The following TTYH3 variants were observed in gnomAD, a reference collection of about 807,000 sequenced individuals.
The protein encoded by TTYH3 is protein tweety homolog 3.
In TTYH3, 23 loss-of-function variants were observed where a neutral mutation model predicts 68.2. The ratio of observed to expected loss-of-function variants is 0.34; its 90% CI spans 0.24 to 0.48. The LOEUF (loss-of-function observed/expected upper bound fraction) is 0.48, where lower values mean the gene tolerates loss of function less well. TTYH3 is among the 20% of genes least tolerant of loss of function. The probability of loss-of-function intolerance (pLI) is 0.99; values close to 1 mark genes in which losing one functional copy is unlikely to be tolerated. For synonymous variants in TTYH3, 360 were observed against 332.8 expected (o/e 1.08, Z -0.89); for missense variants, 768 against 727.7 (o/e 1.06, Z -0.64).
intron 11 of TTYH3, 78 bp from the exon 12 acceptor site, chr7:2,658,208 C>T (rs758831887): frequency 7.2e-7 from 1 of 1,382,090 alleles, no homozygotes; most frequent in Non-Finnish European, 9.7e-7. Flanking sequence ...CTGTCTGCAC[C>T]AGAACTGACC....
At position 2,647,959 on chromosome 7, in the gene TTYH3, G is replaced by T; in HGVS notation, c.627G>T (p.Arg209Ser). The change falls in exon 5 of 14, where the codon AGG becomes AGT. Residue 209 changes from arginine (R) to serine (S), a missense_variant and splice_region_variant. Transcript: ENST00000258796. The stretch of plus-strand genomic sequence containing the variant: ...GGCGCACTCCCAGGTTTGCCTGCAG[G>T]TGGCTGGGCTACCTGGGCCTGCTGC... ...AEQVDLYDWY[R>S]WLGYLGLLLL... 1 of 1,607,518 alleles carries T rather than the reference G, an allele frequency of 6.2e-7. No homozygotes were observed.
chr7:2,646,698 CTCCA>C (rs1405161531), intron 1 of TTYH3, among the ~76,000 whole-genome samples, 151 bp from the exon 2 acceptor site: 4 of 152,200 alleles, frequency 2.6e-5, no homozygotes, highest in Non-Finnish European at 5.9e-5. Context: ...TGGTGGGAGA[CTCCA>C]TGCCTCACCT....
intron 1 of TTYH3, among the ~76,000 whole-genome samples, chr7:2,642,167 G>T (rs1785864256): frequency 6.6e-6 from 1 of 152,232 alleles, no homozygotes; most frequent in Admixed American, 6.5e-5. Flanking sequence ...GGCCGAGGCA[G>T]GTGGATTGCT....
chr7:2,660,452 G>C (rs1786464077), intron 13 of TTYH3: 1 of 985,328 alleles, frequency 1.0e-6, no homozygotes, highest in East Asian at 1.1e-4. Context: ...ACACGGACAG[G>C]CACGTGCCGG....
rs62439525 is a variant in TTYH3, at chr7:2,647,594, G to C, written c.582G>C (p.Ser194=). ...CCTTTTGGAGGAACACGGCGGTGTC[G>C]CTGGAGGTGCTGGCGGAGCAGGTGG... The part of the protein sequence containing the change: ...AIPFWRNTAV[S]LEVLAEQVDL... The change falls in exon 4 of 14, where the codon TCG becomes TCC. Residue 194 remains serine, a synonymous_variant. Transcript: ENST00000258796. The C allele has an allele frequency of 6.4e-7, 1 of 1,573,988 alleles. No individual in the cohort carries two copies. Among genetic ancestry groups the C allele is most frequent in the South Asian group, 1.2e-5 (1 of 85,526 alleles).
rs777723728 is a variant in TTYH3 at position 2,646,988 on chromosome 7, G to T, written c.259G>T (p.Ala87Ser). 5.7e-6 allele frequency: 9 copies of T among 1,589,042 alleles called. No homozygotes were observed. In the South Asian group the frequency reaches 1.0e-4, roughly 18 times the overall value. ...CCTGGACGCCGACTGCTGCTGCACG[G>T]CCTGGTGTGTCATCATCGCCACGCT... is the stretch of plus-strand genomic sequence containing the variant. ...EHLDADCCCT[A>S]WCVIIATLVC... The change falls in exon 2 of 14, where the codon GCC (alanine) becomes TCC (serine). Residue 87 changes from alanine to serine, a missense_variant. Ala to Ser is a moderately conservative substitution (Grantham distance 99, BLOSUM62 1). Coordinates refer to ENST00000258796, the MANE Select transcript of TTYH3 (RefSeq NM_025250.3).
At chr7:2,658,733 G>T (rs914508501) in intron 12 of TTYH3, among the ~76,000 whole-genome samples, 2 of 152,216 alleles carry the variant, frequency 1.3e-5, no homozygotes, top group Non-Finnish European at 2.9e-5. Flanking sequence ...TGGCTCGGAG[G>T]GAGTGGACTC....
intron 1 of TTYH3, among the ~76,000 whole-genome samples, chr7:2,643,461 T>C (rs961504441): frequency 6.6e-6 from 1 of 152,148 alleles, no homozygotes; most frequent in Non-Finnish European, 1.5e-5. Context: ...CACAGTTCAC[T>C]TACGATGATG....
rs1786027634 is a variant in TTYH3, at chr7:2,647,428, C to T, written c.416C>T (p.Thr139Met). Reference protein sequence around the residue: ...VAGVQDRVWDTAVGLNHTAEP... With the variant: ...VAGVQDRVWDMAVGLNHTAEP... Reference sequence around the variant, plus strand: ...GCGGGTCCGGCGCAGGTGTGGGACACGGCGGTGGGGCTGAACCACACGGCG... The same window carrying T: ...GCGGGTCCGGCGCAGGTGTGGGACATGGCGGTGGGGCTGAACCACACGGCG... Residue 139 changes from threonine to methionine, a missense_variant, in exon 4 of 14, where the codon ACG becomes ATG. Coordinates refer to ENST00000258796, the MANE Select transcript of TTYH3 (RefSeq NM_025250.3). 4 of 1,517,754 alleles carry T rather than the reference C, an allele frequency of 2.6e-6. No individual in the cohort carries two copies. Among genetic ancestry groups the T allele is most frequent in the African/African-American group, 1.4e-5 (1 of 72,312 alleles). 94.0% of individuals were successfully genotyped at this position (1,517,754 alleles called of 1,614,324 possible). A position where few individuals can be genotyped will look rare whatever the true frequency, so the allele number is the denominator to read the frequency against.
rs779216677 is a variant in TTYH3, at chr7:2,659,039, G to GA, written c.1500+25dup. ...CAGTAAGTCTTGGGGCAGGAGGGTG[G>GA]ATGGGGGGCTGCTCAGCCTTGGGGG... On this transcript the variant is annotated intron_variant, in intron 13 of 13. Transcript: ENST00000258796. 5 of 1,609,762 alleles carry GA rather than the reference G, an allele frequency of 3.1e-6. No individual in the cohort carries two copies. The South Asian group carries it at 5.5e-5, about 18-fold the overall frequency.
At chr7:2,647,306 A>G in intron 3 of TTYH3, 53 bp downstream of exon 3, 3 of 1,531,102 alleles carry the variant, frequency 2.0e-6, no homozygotes, top group African/African-American at 1.4e-5. Context: ...CCGGAGCCCC[A>G]CGTCTGCGCG....
chr7:2,656,514 G>A lies in TTYH3; in HGVS notation c.1230G>A (p.Pro410=), dbSNP rs201904632. The change falls in exon 11 of 14, where the codon CCG becomes CCA. Residue 410 remains proline (P), a synonymous_variant. Coordinates refer to ENST00000258796, the MANE Select transcript of TTYH3 (RefSeq NM_025250.3). ...TCAGCTCCATCGTCTGCAGCGTCCC[G>A]CACACCTGGCAGCAAAAGAGGTGAG... ...LMFSSIVCSV[P]HTWQQKRGPD... is the part of the protein sequence containing the mutation. 26 of 1,604,242 alleles carry A rather than the reference G, an allele frequency of 1.6e-5. No individual in the cohort carries two copies. The highest frequency in any genetic ancestry group is 3.3e-5 in the South Asian group (3 of 90,114).
At chr7:2,655,676 C>A (rs1786313585) in intron 9 of TTYH3, among the ~76,000 whole-genome samples, 1 of 152,264 alleles carries the variant, frequency 6.6e-6, no homozygotes, top group Admixed American at 6.5e-5. Context: ...GCTCACTCTG[C>A]ATGGAGAGTT....
At position 2,664,521 on chromosome 7, in the gene TTYH3, C is replaced by G. The variant is rs1422537705; in HGVS notation, c.*2782C>G. ...TTAAGACTCAGCCTCCTGGTTTACCCCCCCGGCCTGGGCATCTGACCTCCC... is the reference window on the plus strand; with the variant it reads ...TTAAGACTCAGCCTCCTGGTTTACCGCCCCGGCCTGGGCATCTGACCTCCC... On this transcript the variant is annotated 3_prime_UTR_variant, in exon 14 of 14. Coordinates refer to ENST00000258796, the MANE Select transcript of TTYH3 (RefSeq NM_025250.3). The G allele has an allele frequency of 1.3e-5, 2 of 151,410 alleles. No homozygotes were observed. Among genetic ancestry groups the G allele is most frequent in the African/African-American group, 4.9e-5 (2 of 41,036 alleles). The allele number at this position is 151,410 out of a possible 1,614,324, so 9.4% of individuals were successfully genotyped here.
At chr7:2,634,295 G>A (rs531671358) in intron 1 of TTYH3, among the ~76,000 whole-genome samples, 1 of 152,264 alleles carries the variant, frequency 6.6e-6, no homozygotes, top group Non-Finnish European at 1.5e-5. Context: ...GCCTCATCCT[G>A]AATCTGGGCT....
At chr7:2,655,825 A>G (rs1483219567) in intron 9 of TTYH3, among the ~76,000 whole-genome samples, 1 of 152,188 alleles carries the variant, frequency 6.6e-6, no homozygotes, top group East Asian at 1.9e-4. Context: ...GTCTGTCTTC[A>G]CGTAGTGGCG....
intron 1 of TTYH3, among the ~76,000 whole-genome samples, chr7:2,636,528 T>C (rs1033785765): frequency 1.3e-5 from 2 of 152,126 alleles, no homozygotes; most frequent in Non-Finnish European, 1.5e-5. Context: ...TACCTACAGA[T>C]GACAGAAGCG....
At chr7:2,660,147 C>A in intron 13 of TTYH3, 1 of 1,191,854 alleles carries the variant, frequency 8.4e-7, no homozygotes, top group Non-Finnish European at 1.1e-6. Flanking sequence ...GGGGCTCCAT[C>A]TGTCCGGCTC....
At chr7:2,655,945 A>G in intron 9 of TTYH3, 147 bp from the exon 10 acceptor site, 1 of 636,592 alleles carries the variant, frequency 1.6e-6, no homozygotes, top group Non-Finnish European at 2.7e-6. Context: ...TGTCCTCAGG[A>G]CCTGCACTGA....
Sources: gnomAD v4.1 joint callset for allele counts (sites outside exome capture counted in the v4.1 genomes callset) on GRCh38, gnomAD v4.1.1 for gene constraint, MANE v1.5 for transcripts, NCBI Gene and HGNC (gene_info 2026-07-23, HGNC 2026-07-21) for gene names.